Variants in P2RX4 observed in about 807,000 individuals in gnomAD.
The protein encoded by P2RX4 is P2X purinoceptor 4.
In P2RX4, 37 loss-of-function variants were observed where a neutral mutation model predicts 48.0. The ratio of observed to expected loss-of-function variants is 0.77; its 90% CI spans 0.59 to 1.01. The LOEUF is 1.01. Among genes scored for constraint, P2RX4 ranks in the 50% least tolerant of loss-of-function variants. P2RX4 has a pLI of 0.00. For missense variants in P2RX4, 501 were observed against 521.4 expected (o/e 0.96, Z 0.38); for synonymous variants, 200 against 199.7 (o/e 1.00, Z -0.01).
At chr12:121,219,007 A>C (rs868328188) in intron 2 of P2RX4, among the ~76,000 whole-genome samples, 7 of 152,156 alleles carry the variant, frequency 4.6e-5, no homozygotes, top group Non-Finnish European at 1.0e-4. Context: ...CTAGGGCAAC[A>C]GAGCAAGACC....
chr12:121,231,425 G>A (rs984034445), intron 8 of P2RX4, among the ~76,000 whole-genome samples: 5 of 152,092 alleles, frequency 3.3e-5, no homozygotes, highest in African/African-American at 4.8e-5. Context: ...GAACATTTCC[G>A]TCATCTCAAA....
intron 5 of P2RX4, among the ~76,000 whole-genome samples, chr12:121,225,104 G>T (rs1358282085): frequency 7.1e-6 from 1 of 141,458 alleles, no homozygotes; most frequent in African/African-American, 2.6e-5. Context: ...ACGAAGTCTC[G>T]CTCTGTCGCC....
At chr12:121,222,410 G>GTTT in intron 4 of P2RX4, 1 of 444,100 alleles carries the variant, frequency 2.3e-6, no homozygotes, top group South Asian at 3.8e-5. Flanking sequence ...TTTTTTTTTT[G>GTTT]TTTTGTTTTT....
chr12:121,223,013 G>A lies in P2RX4; in HGVS notation c.494G>A (p.Cys165Tyr). The part of the protein sequence containing the change: ...SVKTCEVAAW[C>Y]PVEDDTHVPQ... ...AAGACGTGTGAGGTGGCGGCCTGGT[G>A]CCCGGTGGAGGATGACACACACGTG... is the stretch of plus-strand genomic sequence containing the variant. Residue 165 changes from cysteine to tyrosine, a missense_variant, in exon 5 of 12, where the codon TGC becomes TAC. By Grantham distance (194) the Cys-to-Tyr change is radical. Coordinates refer to ENST00000337233, the MANE Select transcript of P2RX4 (RefSeq NM_002560.3). 3 of 1,612,970 alleles carry A rather than the reference G, an allele frequency of 1.9e-6. No homozygotes were observed. Among genetic ancestry groups the A allele is most frequent in the Non-Finnish European group, 2.5e-6 (3 of 1,178,978 alleles).
intron 8 of P2RX4, among the ~76,000 whole-genome samples, chr12:121,231,484 T>C (rs1887357212): frequency 6.6e-6 from 1 of 152,094 alleles, no homozygotes; most frequent in African/African-American, 2.4e-5. Flanking sequence ...GCAACAGTGG[T>C]CTACTTTCTG....
chr12:121,232,325 A>G lies in P2RX4; in HGVS notation c.885-89A>G. 1.1e-6 allele frequency: 1 copy of G among 917,996 alleles called. No homozygotes were observed. The highest frequency in any genetic ancestry group is 1.8e-5 in the Admixed American group (1 of 56,180). 56.9% of individuals were successfully genotyped at this position (917,996 alleles called of 1,614,324 possible). A position where few individuals can be genotyped will look rare whatever the true frequency, so the allele number is the denominator to read the frequency against. On this transcript the variant is annotated intron_variant, in intron 8 of 11. Transcript: ENST00000337233. The surrounding 1 kb of genome is among the most constrained non-coding windows in gnomAD (Gnocchi z 4.3). ...ATTCAGCCGGCAGAGTGGACCATTC[A>G]CCTGTGCCAGCTCCACTCTAACGTT...
At chr12:121,226,034 G>A (rs546526205) in intron 5 of P2RX4, among the ~76,000 whole-genome samples, 1 of 151,840 alleles carries the variant, frequency 6.6e-6, no homozygotes, top group South Asian at 2.1e-4. Flanking sequence ...GCACCACCAT[G>A]CCCAGCCAAC....
At chr12:121,220,785 C>A (rs1224834004) in intron 2 of P2RX4, among the ~76,000 whole-genome samples, 1 of 152,136 alleles carries the variant, frequency 6.6e-6, no homozygotes, top group African/African-American at 2.4e-5. Context: ...GTTACACAAC[C>A]ACTCCCCATT....
At chr12:121,221,525 C>T (rs1028315696) in intron 2 of P2RX4, among the ~76,000 whole-genome samples, 1 of 151,702 alleles carries the variant, frequency 6.6e-6, no homozygotes, top group African/African-American at 2.4e-5. Flanking sequence ...TCCCAAGTAG[C>T]TGGGACTACA....
intron 2 of P2RX4, among the ~76,000 whole-genome samples, chr12:121,218,967 G>A (rs886445624): frequency 1.3e-5 from 2 of 151,894 alleles, no homozygotes; most frequent in African/African-American, 4.8e-5. Flanking sequence ...TGAGGCTGAA[G>A]TGAACTGTGA....
In P2RX4 at chr12:121,232,932, A is replaced by G; in HGVS notation, c.1045-65A>G. The G allele has an allele frequency of 8.6e-7, 1 of 1,161,930 alleles. No homozygotes were observed. The highest frequency in any genetic ancestry group is 1.5e-5 in the African/African-American group (1 of 66,408). The allele number at this position is 1,161,930 out of a possible 1,614,324, so 72.0% of individuals were successfully genotyped here. On this transcript the variant is annotated intron_variant, in intron 10 of 11. Transcript: ENST00000337233. This position sits in a 1 kb window ranked among gnomAD's most constrained non-coding sequence, Gnocchi z 4.3. The stretch of plus-strand genomic sequence containing the variant: ...CCAGGCTTCTCAGGAAGGGGCACGC[A>G]AAGAATAAGATGGGTTGATGGGTTG...
chr12:121,233,656 G>A lies in P2RX4; in HGVS notation c.*107G>A. 6.5e-7 allele frequency: 1 copy of A among 1,550,182 alleles called. No homozygotes were observed. Among genetic ancestry groups the A allele is most frequent in the Non-Finnish European group, 8.7e-7 (1 of 1,146,214 alleles). Reference sequence around the variant, plus strand: ...CCAGAGAAATTTCTGGAATCTGATTGAGTCTCCACTCCACAAGCACTCAGG... The same window carrying A: ...CCAGAGAAATTTCTGGAATCTGATTAAGTCTCCACTCCACAAGCACTCAGG... On this transcript the variant is annotated 3_prime_UTR_variant, in exon 12 of 12. Coordinates refer to ENST00000337233, the MANE Select transcript of P2RX4 (RefSeq NM_002560.3).
chr12:121,222,104 C>A lies in P2RX4; in HGVS notation c.365C>A (p.Ala122Glu), dbSNP rs768385461. The change falls in exon 4 of 12, where the codon GCG becomes GAG. Residue 122 changes from alanine to glutamate, a missense_variant. By Grantham distance (107) the Ala-to-Glu change is moderately radical. Around this residue, in one of 3 missense-constraint regions of P2RX4, gnomAD observed 295 missense variants for 275.3 expected, o/e 1.07. Transcript: ENST00000337233. ...TQGLCPEIPD[A>E]TTVCKSDASC... Reference sequence around the variant, plus strand: ...TCCTTCTTTTTCCAGATTCCAGATGCGACCACTGTGTGTAAATCAGATGCC... The same window carrying A: ...TCCTTCTTTTTCCAGATTCCAGATGAGACCACTGTGTGTAAATCAGATGCC... The A allele has an allele frequency of 9.9e-6, 16 of 1,613,372 alleles. No individual in the cohort carries two copies. The highest frequency in any genetic ancestry group is 1.4e-5 in the Non-Finnish European group (16 of 1,179,252).
rs1279124862 is a variant in P2RX4 at position 121,229,847 on chromosome 12, ATGTGTCTC to A, written c.884+756_884+763del. On this transcript the variant is annotated intron_variant, in intron 8 of 11. Coordinates refer to ENST00000337233, the MANE Select transcript of P2RX4 (RefSeq NM_002560.3). This position sits in a 1 kb window ranked among gnomAD's most constrained non-coding sequence, Gnocchi z 4.6. ...CCTGTCATGAGGCCTTCTGCCTTGT[ATGTGTCTC>A]TGTGTCTTTTCTTCTTGTAAGGATA... is the stretch of plus-strand genomic sequence containing the variant. Among the ~76,000 whole-genome samples the A allele has an allele frequency of 6.6e-6, 1 of 152,030 alleles. No homozygotes were observed. Among genetic ancestry groups the A allele is most frequent in the African/African-American group, 2.4e-5 (1 of 41,366 alleles).
intron 5 of P2RX4, 109 bp downstream of exon 5, chr12:121,223,152 C>T: frequency 1.4e-6 from 1 of 698,778 alleles, no homozygotes; most frequent in Non-Finnish European, 2.6e-6. Context: ...TGGCTCACCA[C>T]AACCTCCACC....
In P2RX4 at chr12:121,229,035, T is replaced by C. The variant is rs1359179068; in HGVS notation, c.820T>C (p.Tyr274His). 2 of 1,614,094 alleles carry C rather than the reference T, an allele frequency of 1.2e-6. No individual in the cohort carries two copies. Among genetic ancestry groups the C allele is most frequent in the Non-Finnish European group, 1.7e-6 (2 of 1,180,012 alleles). The change falls in exon 8 of 12, where the codon TAC (tyrosine) becomes CAC (histidine). Residue 274 changes from tyrosine (Y) to histidine (H), a missense_variant. By Grantham distance (83) the Tyr-to-His change is moderately conservative (BLOSUM62 2). Coordinates refer to ENST00000337233, the MANE Select transcript of P2RX4 (RefSeq NM_002560.3). This position sits in a 1 kb window ranked among gnomAD's most constrained non-coding sequence, Gnocchi z 4.6. Reference sequence around the variant, plus strand: ...AGCCGCCTCCCTCTGCTTGCCCAGGTACTCCTTCCGCCGCCTCGATACACG... The same window carrying C: ...AGCCGCCTCCCTCTGCTTGCCCAGGCACTCCTTCCGCCGCCTCGATACACG... ...DRAASLCLPR[Y>H]SFRRLDTRDV...
rs2136243431 is a variant in P2RX4, at chr12:121,229,523, G to A, written c.884+424G>A. Among the ~76,000 whole-genome samples, 1 of 152,292 alleles carries A rather than the reference G, an allele frequency of 6.6e-6. No homozygotes were observed. Among genetic ancestry groups the A allele is most frequent in the African/African-American group, 2.4e-5 (1 of 41,564 alleles). On this transcript the variant is annotated intron_variant, in intron 8 of 11. Transcript: ENST00000337233. The surrounding 1 kb of genome is among the most constrained non-coding windows in gnomAD (Gnocchi z 4.6). ...TTGAACCTGTGCCAGAATCTCCAGAGTGCAGGGGACACAGGTCTGAGGCCC... is the reference window on the plus strand; with the variant it reads ...TTGAACCTGTGCCAGAATCTCCAGAATGCAGGGGACACAGGTCTGAGGCCC...
intron 5 of P2RX4, among the ~76,000 whole-genome samples, chr12:121,226,371 C>G (rs1205338309): frequency 6.6e-6 from 1 of 151,724 alleles, no homozygotes; most frequent in Non-Finnish European, 1.5e-5. Flanking sequence ...TGGTGAAACC[C>G]CCTCTCTACT....
chr12:121,222,760 G>A (rs1430467660), intron 4 of P2RX4, 187 bp from the exon 5 acceptor site: 2 of 1,521,742 alleles, frequency 1.3e-6, no homozygotes, highest in Admixed American at 2.0e-5. Context: ...GATGTGGCTG[G>A]CACACAGGTA....
Sources: gnomAD v4.1 joint callset for allele counts (sites outside exome capture counted in the v4.1 genomes callset) on GRCh38, gnomAD v4.1.1 for gene constraint, gnomAD v4.1.1 regional missense constraint, Gnocchi (gnomAD v3.1) non-coding constraint, MANE v1.5 for transcripts, NCBI Gene and HGNC (gene_info 2026-07-23, HGNC 2026-07-21) for gene names.